PCDH7: variants seen among roughly 807,000 people sequenced by gnomAD.
PCDH7 encodes the protein protocadherin 7, also known as protocadherin-7.
PCDH7 carries 17 observed loss-of-function variants against 58.9 expected under a neutral mutation model. That is an observed-to-expected ratio of 0.29 (90% confidence interval 0.20 to 0.43). PCDH7 has a LOEUF of 0.43. PCDH7 is among the 20% of genes least tolerant of loss of function. The probability of loss-of-function intolerance (pLI) is 1.00; values close to 1 mark genes in which losing one functional copy is unlikely to be tolerated. For synonymous variants in PCDH7, 664 were observed against 616.4 expected, an observed-to-expected ratio of 1.08 and a Z score of -1.14; for missense variants, 1,274 against 1,441.0, an observed-to-expected ratio of 0.88 and a Z score of 1.88.
At chr4:30,936,742 T>C (rs1476773713) in intron 2 of PCDH7, among the ~76,000 whole-genome samples, 1 of 152,098 alleles carries the variant, frequency 6.6e-6, no homozygotes, top group African/African-American at 2.4e-5. Flanking sequence ...GTCAAATATT[T>C]ACTTCACAAA....
exon 2 of PCDH7, chr4:30,731,789 T>C (rs1395470943): frequency 6.6e-6 from 1 of 152,172 alleles, no homozygotes; most frequent in Non-Finnish European, 1.5e-5. Context: ...CAGGGAGTCC[T>C]CTGGATGGCC....
intron 3 of PCDH7, among the ~76,000 whole-genome samples, chr4:31,133,923 G>A (rs578255255): frequency 6.6e-6 from 1 of 152,284 alleles, no homozygotes; most frequent in Admixed American, 6.5e-5. Context: ...AAAAGTTGCT[G>A]ATGCTTTCAG....
intron 1 of PCDH7, among the ~76,000 whole-genome samples, chr4:30,783,823 G>A (rs1374455797): frequency 3.3e-5 from 5 of 152,090 alleles, no homozygotes; most frequent in African/African-American, 1.2e-4. Context: ...ATTTTTTTAA[G>A]TAAAGTTCTC....
At chr4:30,852,829 GAAAAAA>G (rs58210433) in intron 1 of PCDH7, among the ~76,000 whole-genome samples, 1,643 of 74,590 alleles carry the variant, frequency 0.022, 25 homozygotes, top group South Asian at 0.045. Flanking sequence ...TCAAGCACAG[GAAAAAA>G]AAAAAAAAAA....
At chr4:30,981,122 G>A (rs1355110495) in intron 3 of PCDH7, among the ~76,000 whole-genome samples, 5 of 152,204 alleles carry the variant, frequency 3.3e-5, no homozygotes, top group Admixed American at 6.5e-5. Context: ...GATTAAAGGC[G>A]TGAGGCACTG....
chr4:31,056,616 T>A (rs9684179), intron 3 of PCDH7, among the ~76,000 whole-genome samples: 35,978 of 109,294 alleles, frequency 0.33, 4,585 homozygotes, highest in Admixed American at 0.43. Context: ...AGAGAGAGAG[T>A]GAAAGACAGA....
At chr4:30,895,045 C>T (rs1739230688) in intron 1 of PCDH7, among the ~76,000 whole-genome samples, 1 of 151,516 alleles carries the variant, frequency 6.6e-6, no homozygotes, top group South Asian at 2.1e-4. Context: ...CCAAGGGTGG[C>T]ATCTATCCTT....
At chr4:30,861,915 G>A (rs1179382654) in intron 1 of PCDH7, among the ~76,000 whole-genome samples, 2 of 151,890 alleles carry the variant, frequency 1.3e-5, no homozygotes, top group African/African-American at 4.8e-5. Flanking sequence ...GTTCATTTTG[G>A]CCCTCATTAG....
intron 1 of PCDH7, among the ~76,000 whole-genome samples, chr4:30,873,335 G>A (rs1232025470): frequency 6.6e-6 from 1 of 151,900 alleles, no homozygotes; most frequent in Admixed American, 6.6e-5. Context: ...ATTATATCTG[G>A]GGATTCTGAT....
At chr4:31,140,783 GT>G (rs1193631430) in intron 3 of PCDH7, among the ~76,000 whole-genome samples, 2 of 150,790 alleles carry the variant, frequency 1.3e-5, no homozygotes, top group Non-Finnish European at 3.0e-5. Flanking sequence ...ACAATTTAGG[GT>G]AAAAAAATGA....
intron 1 of PCDH7, among the ~76,000 whole-genome samples, chr4:30,742,063 G>A (rs1388440157): frequency 6.6e-6 from 1 of 152,170 alleles, no homozygotes; most frequent in Non-Finnish European, 1.5e-5. Context: ...ACAAGTGGCA[G>A]TTGTTTTCAG....
At chr4:31,012,311 T>G (rs1753258186) in intron 3 of PCDH7, among the ~76,000 whole-genome samples, 1 of 152,176 alleles carries the variant, frequency 6.6e-6, no homozygotes, top group Non-Finnish European at 1.5e-5. Context: ...GTTTTATTTT[T>G]CTAATTTATT....
downstream of PCDH7, chr4:31,144,473 T>A (rs1308635309): frequency 6.6e-6 from 1 of 152,154 alleles, no homozygotes; most frequent in Admixed American, 6.6e-5. Flanking sequence ...ATGGACAGAA[T>A]AGGGAATAAC....
chr4:31,051,013 A>C (rs1756691383), intron 3 of PCDH7, among the ~76,000 whole-genome samples: 1 of 152,190 alleles, frequency 6.6e-6, no homozygotes. Flanking sequence ...TTAATCGCTT[A>C]GTTCACATAA....
intron 3 of PCDH7, among the ~76,000 whole-genome samples, chr4:31,076,575 G>T (rs1301545671): frequency 1.3e-5 from 2 of 152,114 alleles, no homozygotes; most frequent in Non-Finnish European, 2.9e-5. Context: ...TTTCCATACA[G>T]TTTATTCAAA....
chr4:31,042,232 G>C (rs950114955), intron 3 of PCDH7, among the ~76,000 whole-genome samples: 4 of 152,122 alleles, frequency 2.6e-5, no homozygotes, highest in African/African-American at 9.7e-5. Context: ...TTCTAGATAA[G>C]ATAGGAGGAT....
Position 30,723,581 on chromosome 4 carries a change from C to T in PCDH7, c.2159C>T (p.Pro720Leu), listed in dbSNP as rs760251536. 9.3e-6 allele frequency: 15 copies of T among 1,613,962 alleles called. No individual in the cohort carries two copies. The East Asian group carries it at 2.7e-4, about 29-fold the overall frequency. Reference sequence around the variant, plus strand: ...GTCAAGGCTGTGGATGGGGGAGATCCTCCCAGATCTGCCACAGCTACAGTC... The same window carrying T: ...GTCAAGGCTGTGGATGGGGGAGATCTTCCCAGATCTGCCACAGCTACAGTC... The change falls in exon 1 of 2, where the codon CCT (proline) becomes CTT (leucine). Residue 720 changes from proline (P) to leucine (L), a missense_variant. Around this residue, in one of 3 missense-constraint regions of PCDH7, gnomAD observed 731 missense variants for 881.9 expected, o/e 0.83. Coordinates refer to ENST00000361762, the Ensembl canonical transcript of PCDH7. This position sits in a 1 kb window ranked among gnomAD's most constrained non-coding sequence, Gnocchi z 4.6.
At chr4:30,956,333 A>G (rs930936188) in intron 3 of PCDH7, among the ~76,000 whole-genome samples, 1 of 152,220 alleles carries the variant, frequency 6.6e-6, no homozygotes, top group African/African-American at 2.4e-5. Context: ...TGATAAAATT[A>G]TCAAATATTT....
intron 3 of PCDH7, among the ~76,000 whole-genome samples, chr4:31,049,156 C>T (rs1756540338): frequency 6.6e-6 from 1 of 152,042 alleles, no homozygotes; most frequent in African/African-American, 2.4e-5. Context: ...CCACTCCTCC[C>T]ACCCCACAAC....
Sources: gnomAD v4.1 joint callset for allele counts (sites outside exome capture counted in the v4.1 genomes callset) on GRCh38, gnomAD v4.1.1 for gene constraint, gnomAD v4.1.1 regional missense constraint, Gnocchi (gnomAD v3.1) non-coding constraint, MANE v1.5 for transcripts, NCBI Gene and HGNC (gene_info 2026-07-23, HGNC 2026-07-21) for gene names.